EFCAB13: variants seen among roughly 807,000 people sequenced by gnomAD.
EFCAB13 encodes the protein EF-hand calcium-binding domain-containing protein 13.
Under a neutral mutation model 110.2 loss-of-function variants are expected in EFCAB13, and 91 were observed. The ratio of observed to expected loss-of-function variants is 0.83; its 90% CI spans 0.70 to 0.98. The LOEUF (loss-of-function observed/expected upper bound fraction) is 0.98, where lower values mean the gene tolerates loss of function less well. Among genes scored for constraint, EFCAB13 ranks in the 50% least tolerant of loss-of-function variants. The pLI is 0.00. For missense variants in EFCAB13, 968 were observed against 1,119.4 expected (o/e 0.86, Z 1.93); for synonymous variants, 323 against 369.9 (o/e 0.87, Z 1.45).
rs910317876 is a variant in EFCAB13 at position 47,431,002 on chromosome 17, C to T, written c.2638+1041C>T. 6.6e-6 allele frequency among the ~76,000 whole-genome samples: 1 copy of T among 151,898 alleles called. No individual in the cohort carries two copies. Among genetic ancestry groups the T allele is most frequent in the African/African-American group, 2.4e-5 (1 of 41,330 alleles). ...TTTATGGATAAATAATTGTTATACACATTTATGGGGTATGTGTGATATTTT... is the reference window on the plus strand; with the variant it reads ...TTTATGGATAAATAATTGTTATACATATTTATGGGGTATGTGTGATATTTT... On this transcript the variant is annotated intron_variant, in intron 24 of 24. Transcript: ENST00000331493. The surrounding 1 kb of genome is among the most constrained non-coding windows in gnomAD (Gnocchi z 4.1).
rs1028167343 is a variant in EFCAB13, at chr17:47,375,199, G to A, written c.1372+233G>A. Among the ~76,000 whole-genome samples the A allele has an allele frequency of 3.3e-5, 5 of 152,010 alleles. No individual in the cohort carries two copies. The East Asian group carries it at 5.8e-4, about 18-fold the overall frequency. On this transcript the variant is annotated intron_variant, in intron 12 of 24. Coordinates refer to ENST00000331493, the MANE Select transcript of EFCAB13 (RefSeq NM_152347.5). ...CTCCCAAAGTGCTGGGATTATAGGC[G>A]TGAACCACCATGCCTATGCAAAAAT...
At chr17:47,330,123 A>G (rs1251183024) in intron 4 of EFCAB13, among the ~76,000 whole-genome samples, 1 of 151,944 alleles carries the variant, frequency 6.6e-6, no homozygotes, top group Non-Finnish European at 1.5e-5. Context: ...GCAAACAGCC[A>G]GATTTCAGGA....
Position 47,374,589 on chromosome 17 carries a change from C to G in EFCAB13, c.995C>G (p.Pro332Arg). The G allele has an allele frequency of 6.2e-7, 1 of 1,604,144 alleles. No homozygotes were observed. The highest frequency in any genetic ancestry group is 1.3e-5 in the African/African-American group (1 of 74,180). The part of the protein sequence containing the change: ...KNSLSSKLPE[P>R]SISKKLNKKS... ...AGTTTGTCTTCCAAACTCCCTGAAC[C>G]TTCAATATCCAAAAAGTTAAATAAA... The change falls in exon 12 of 25, where the codon CCT (proline) becomes CGT (arginine). Residue 332 changes from proline (P) to arginine (R), a missense_variant. By Grantham distance (103) the Pro-to-Arg change is moderately radical. Transcript: ENST00000331493.
At chr17:47,332,205 T>C (rs894782713) in intron 4 of EFCAB13, among the ~76,000 whole-genome samples, 4 of 152,178 alleles carry the variant, frequency 2.6e-5, no homozygotes, top group African/African-American at 9.6e-5. Context: ...GAGTTCTTGC[T>C]TCACATCCTT....
chr17:47,390,824 T>C (rs1380551772), intron 14 of EFCAB13, among the ~76,000 whole-genome samples: 2 of 152,194 alleles, frequency 1.3e-5, no homozygotes, highest in Non-Finnish European at 2.9e-5. Context: ...ATTTCAGTTA[T>C]GGTACTATCA....
intron 20 of EFCAB13, among the ~76,000 whole-genome samples, chr17:47,407,868 G>C (rs148541519): frequency 6.6e-6 from 1 of 152,152 alleles, no homozygotes; most frequent in African/African-American, 2.4e-5. Flanking sequence ...ATTTTACCAA[G>C]TATTATTTAA....
intron 11 of EFCAB13, among the ~76,000 whole-genome samples, chr17:47,372,147 G>GT (rs1210497563): frequency 6.6e-6 from 1 of 151,948 alleles, no homozygotes; most frequent in East Asian, 1.9e-4. Context: ...TTTTCTGCTT[G>GT]TTTCATAGAT....
rs552867338 is a variant in EFCAB13, at chr17:47,353,518, A to G, written c.661+5567A>G. ...ACCATGTTGGCCAGGCTGATGTCGA[A>G]CTCCTGACCTCAAGTGATCCGCCTG... On this transcript the variant is annotated intron_variant, in intron 9 of 24. Transcript: ENST00000331493. Among the ~76,000 whole-genome samples, 4 of 151,744 alleles carry G rather than the reference A, an allele frequency of 2.6e-5. 1 individual carries two copies. The highest frequency in any genetic ancestry group is 4.2e-4 in the South Asian group (2 of 4,794).
chr17:47,350,579 CTTTG>C lies in EFCAB13; in HGVS notation c.661+2634_661+2637del, dbSNP rs1042924572. Among the ~76,000 whole-genome samples, 113 of 151,688 alleles carry C rather than the reference CTTTG, an allele frequency of 7.4e-4. 1 individual carries two copies. The highest frequency in any genetic ancestry group is 2.6e-3 in the African/African-American group (106 of 41,458). Reference sequence around the variant, plus strand: ...GCCAATATAATTATTACTCCCACGCCTTTGTTTGTGTGTGTGTGTGTGTTTTTTT... The same window carrying C: ...GCCAATATAATTATTACTCCCACGCCTTTGTGTGTGTGTGTGTGTTTTTTT... On this transcript the variant is annotated intron_variant, in intron 9 of 24. Coordinates refer to ENST00000331493, the MANE Select transcript of EFCAB13 (RefSeq NM_152347.5).
chr17:47,436,863 T>A (rs1254653727), intron 24 of EFCAB13, among the ~76,000 whole-genome samples: 1 of 151,964 alleles, frequency 6.6e-6, no homozygotes, highest in Non-Finnish European at 1.5e-5. Flanking sequence ...GACCTTAGAG[T>A]GTCAGTTTGT....
At chr17:47,381,098 G>A (rs113301289) in intron 14 of EFCAB13, among the ~76,000 whole-genome samples, 13,331 of 151,894 alleles carry the variant, frequency 0.088, 841 homozygotes, top group East Asian at 0.35. Context: ...TTGCCAGGAT[G>A]GTCTTGATCT....
intron 23 of EFCAB13, among the ~76,000 whole-genome samples, chr17:47,420,444 C>T (rs1054853635): frequency 9.2e-5 from 14 of 151,402 alleles, no homozygotes; most frequent in Non-Finnish European, 1.8e-4. Context: ...TGCCTGGCTG[C>T]CCAGTCTGGA....
In EFCAB13 at chr17:47,426,994, G is replaced by A. The variant is rs949635856; in HGVS notation, c.2495-2824G>A. On this transcript the variant is annotated intron_variant, in intron 23 of 24. Coordinates refer to ENST00000331493, the MANE Select transcript of EFCAB13 (RefSeq NM_152347.5). ...ATGTGGATTACTATAGAAATTACTG[G>A]CCCTGGAAAATTAGATAGATTCTCT... 8.5e-5 allele frequency among the ~76,000 whole-genome samples: 13 copies of A among 152,118 alleles called. No individual in the cohort carries two copies. The East Asian group carries it at 2.5e-3, about 29-fold the overall frequency.
At chr17:47,379,564 T>G (rs966869164) in intron 14 of EFCAB13, among the ~76,000 whole-genome samples, 3 of 35,070 alleles carry the variant, frequency 8.6e-5, no homozygotes, top group Non-Finnish European at 2.1e-4. Context: ...ATATGGTTTG[T>G]TTTTTTTTTT....
intron 21 of EFCAB13, among the ~76,000 whole-genome samples, chr17:47,410,388 A>G (rs1432681444): frequency 6.6e-6 from 1 of 152,204 alleles, no homozygotes; most frequent in Non-Finnish European, 1.5e-5. Context: ...CTGACCTGTC[A>G]ACACTGTTGC....
At chr17:47,398,128 C>CT (rs541697167) in intron 17 of EFCAB13, among the ~76,000 whole-genome samples, 1 of 139,856 alleles carries the variant, frequency 7.2e-6, no homozygotes, top group Admixed American at 7.0e-5. Flanking sequence ...GTCAGCCCCC[C>CT]CCTGGCCAGC....
In EFCAB13 at chr17:47,440,832, T is replaced by C. The variant is rs1221989677; in HGVS notation, c.*118T>C. ...AAACTTTTGACAAATCCAGTAGAAT[T>C]TTTATCACTATCTGTTATGTTCTCA... On this transcript the variant is annotated 3_prime_UTR_variant, in exon 25 of 25. Coordinates refer to ENST00000331493, the MANE Select transcript of EFCAB13 (RefSeq NM_152347.5). 1 of 807,656 alleles carries C rather than the reference T, an allele frequency of 1.2e-6. No individual in the cohort carries two copies. Among genetic ancestry groups the C allele is most frequent in the Non-Finnish European group, 1.8e-6 (1 of 542,782 alleles). The allele number at this position is 807,656 out of a possible 1,614,324, so 50.0% of individuals were successfully genotyped here.
chr17:47,396,195 G>C (rs929534399), intron 17 of EFCAB13, among the ~76,000 whole-genome samples: 2 of 152,018 alleles, frequency 1.3e-5, no homozygotes, highest in African/African-American at 4.8e-5. Context: ...GCTCTAAATT[G>C]ATCAAATATG....
intron 4 of EFCAB13, among the ~76,000 whole-genome samples, chr17:47,331,515 C>G (rs1335053228): frequency 3.9e-5 from 6 of 152,044 alleles, no homozygotes; most frequent in Non-Finnish European, 8.8e-5. Flanking sequence ...ACAGCTTACC[C>G]TGCTATCAAC....
Sources: allele counts gnomAD v4.1 joint callset (sites outside exome capture counted in the v4.1 genomes callset), GRCh38; gene constraint gnomAD v4.1.1; non-coding constraint Gnocchi (gnomAD v3.1); transcripts MANE v1.5; gene names NCBI Gene and HGNC (gene_info 2026-07-23, HGNC 2026-07-21).